The following DCC variants were observed in gnomAD, a reference collection of about 807,000 sequenced individuals.
DCC encodes the protein netrin receptor DCC.
DCC carries 58 observed loss-of-function variants against 172.5 expected under a neutral mutation model. That is an observed-to-expected ratio of 0.34 (90% CI 0.27 to 0.42). The LOEUF (loss-of-function observed/expected upper bound fraction) is 0.42, where lower values mean the gene tolerates loss of function less well. Among genes scored for constraint, DCC ranks in the 10% least tolerant of loss-of-function variants. The probability of loss-of-function intolerance (pLI) is 1.00; values close to 1 mark genes in which losing one functional copy is unlikely to be tolerated. For synonymous variants in DCC, 709 were observed against 644.5 expected (o/e 1.10, Z -1.52); for missense variants, 1,740 against 1,791.0 (o/e 0.97, Z 0.51).
chr18:52,559,168 G>A (rs1396471332), intron 1 of DCC, among the ~76,000 whole-genome samples: 7 of 152,166 alleles, frequency 4.6e-5, no homozygotes, highest in African/African-American at 1.4e-4. Context: ...CTGGAGTGCA[G>A]TGGCACGATC....
chr18:52,741,180 C>T (rs9304429), intron 1 of DCC, among the ~76,000 whole-genome samples: 8,623 of 152,208 alleles, frequency 0.057, 278 homozygotes, highest in African/African-American at 0.09. Context: ...TTTTGAGCTA[C>T]GCTCATCTCA....
chr18:53,238,071 T>A (rs2056231977), intron 12 of DCC, among the ~76,000 whole-genome samples: 1 of 152,184 alleles, frequency 6.6e-6, no homozygotes, highest in South Asian at 2.1e-4. Flanking sequence ...ACTTTGTAGA[T>A]GTCAGGGGTT....
chr18:53,531,889 C>T lies in DCC; in HGVS notation c.*1236C>T, dbSNP rs969430407. ...CACCTGACACTTCCGACATGTAAAT[C>T]CAGCAGATACTTTTCAAAGCAGCAT... On this transcript the variant is annotated 3_prime_UTR_variant, in exon 29 of 29. Coordinates refer to ENST00000442544, the MANE Select transcript of DCC (RefSeq NM_005215.4). The T allele has an allele frequency of 7.2e-5, 11 of 152,312 alleles. No homozygotes were observed. In the East Asian group the frequency reaches 1.5e-3, roughly 21 times the overall value. The allele number at this position is 152,312 out of a possible 1,614,324, so 9.4% of individuals were successfully genotyped here.
chr18:52,515,542 G>A (rs1459503378), intron 1 of DCC, among the ~76,000 whole-genome samples: 2 of 136,398 alleles, frequency 1.5e-5, no homozygotes, highest in Non-Finnish European at 3.1e-5. Context: ...AGGAGGCTGA[G>A]CTTGCAGTGA....
chr18:52,432,303 T>G (rs1987651449), intron 1 of DCC, among the ~76,000 whole-genome samples: 1 of 152,138 alleles, frequency 6.6e-6, no homozygotes, highest in Admixed American at 6.6e-5. Context: ...TCCTGCTGAC[T>G]TGGGTCTCCT....
intron 3 of DCC, among the ~76,000 whole-genome samples, chr18:52,920,764 C>G (rs902673863): frequency 3.3e-5 from 5 of 152,108 alleles, no homozygotes; most frequent in East Asian, 1.9e-4. Flanking sequence ...TCACCAAAAA[C>G]TGGAAGCCAC....
chr18:53,503,874 TATATTTATAAAAGCAAA>T (rs2046135498), intron 27 of DCC, among the ~76,000 whole-genome samples: 1 of 152,206 alleles, frequency 6.6e-6, no homozygotes, highest in Non-Finnish European at 1.5e-5. Context: ...TTTACACACA[TATATTTATAAAAGCAAA>T]ACTCCAGAGC....
At chr18:53,034,113 G>T (rs1229542575) in intron 5 of DCC, among the ~76,000 whole-genome samples, 1 of 151,758 alleles carries the variant, frequency 6.6e-6, no homozygotes, top group East Asian at 1.9e-4. Flanking sequence ...ATATTCTTCA[G>T]TCTCTTAGCT....
intron 2 of DCC, among the ~76,000 whole-genome samples, chr18:52,826,899 A>G (rs1174911778): frequency 6.6e-6 from 1 of 152,242 alleles, no homozygotes; most frequent in African/African-American, 2.4e-5. Flanking sequence ...GAACATGTAA[A>G]TACTTTTTTC....
intron 5 of DCC, among the ~76,000 whole-genome samples, chr18:53,000,081 C>A (rs1003729382): frequency 6.6e-6 from 1 of 152,114 alleles, no homozygotes; most frequent in African/African-American, 2.4e-5. Context: ...GGTCTCAGAG[C>A]AAGTATAGCC....
chr18:52,854,866 G>A (rs1380487993), intron 2 of DCC, among the ~76,000 whole-genome samples: 1 of 152,170 alleles, frequency 6.6e-6, no homozygotes, highest in Non-Finnish European at 1.5e-5. Flanking sequence ...GGCCTCCCAA[G>A]GACTGACTGT....
chr18:52,616,445 T>C (rs914168157), intron 1 of DCC, among the ~76,000 whole-genome samples: 1 of 152,132 alleles, frequency 6.6e-6, no homozygotes, highest in African/African-American at 2.4e-5. Context: ...AAGGAGAGAT[T>C]GAGGGAAATA....
intron 12 of DCC, among the ~76,000 whole-genome samples, chr18:53,230,330 A>G (rs948564451): frequency 1.8e-4 from 27 of 152,096 alleles, no homozygotes; most frequent in Admixed American, 1.6e-3. Flanking sequence ...TATCTTTGCA[A>G]TGAATATAAA....
At chr18:52,681,700 C>A (rs1208683652) in intron 1 of DCC, among the ~76,000 whole-genome samples, 2 of 152,032 alleles carry the variant, frequency 1.3e-5, no homozygotes. Flanking sequence ...ACTGCTAGTT[C>A]ACTAGTAGAG....
chr18:53,023,900 T>C (rs1217450422), intron 5 of DCC, among the ~76,000 whole-genome samples: 2 of 152,128 alleles, frequency 1.3e-5, no homozygotes, highest in Non-Finnish European at 2.9e-5. Flanking sequence ...TTCCACTTGA[T>C]CGTCTAGTTA....
intron 2 of DCC, among the ~76,000 whole-genome samples, chr18:52,859,558 T>A (rs2039105560): frequency 6.6e-6 from 1 of 152,026 alleles, no homozygotes; most frequent in Admixed American, 6.6e-5. Context: ...TAGCAAAAGG[T>A]CTTGTTTTGC....
chr18:52,580,219 G>A (rs542867617), intron 1 of DCC, among the ~76,000 whole-genome samples: 3 of 152,296 alleles, frequency 2.0e-5, no homozygotes, highest in Admixed American at 1.3e-4. Context: ...ATGACCTTAA[G>A]GCCCAATCAG....
At chr18:53,498,153 A>C (rs891780337) in intron 26 of DCC, among the ~76,000 whole-genome samples, 5 of 152,148 alleles carry the variant, frequency 3.3e-5, no homozygotes, top group South Asian at 4.1e-4. Context: ...CTTTAATTCT[A>C]TGTCTTGATC....
chr18:53,295,352 A>G (rs1425953133), intron 12 of DCC, among the ~76,000 whole-genome samples: 1 of 152,158 alleles, frequency 6.6e-6, no homozygotes, highest in Non-Finnish European at 1.5e-5. Flanking sequence ...TATCATATTG[A>G]TATTTTATCA....
Sources: allele counts gnomAD v4.1 joint callset (sites outside exome capture counted in the v4.1 genomes callset), GRCh38; gene constraint gnomAD v4.1.1; transcripts MANE v1.5; gene names NCBI Gene and HGNC (gene_info 2026-07-23, HGNC 2026-07-21).